The following TIA1 variants were observed in gnomAD, a reference collection of about 807,000 sequenced individuals.
The protein encoded by TIA1 is TIA1 cytotoxic granule associated RNA binding protein.
In TIA1, 23 loss-of-function variants were observed where a neutral mutation model predicts 65.9. That is an observed-to-expected ratio of 0.35 (90% CI 0.25 to 0.49). TIA1 has a LOEUF of 0.49. Ranked by LOEUF, TIA1 falls within the 20% of genes least tolerant of loss-of-function variation. The probability of loss-of-function intolerance (pLI) is 0.98; values close to 1 mark genes in which losing one functional copy is unlikely to be tolerated. For synonymous variants in TIA1, 147 were observed against 149.4 expected (o/e 0.98, Z 0.12); for missense variants, 371 against 477.9 (o/e 0.78, Z 2.09).
At chr2:70,216,360 T>C in intron 9 of TIA1, 44 bp downstream of exon 9, 1 of 1,591,202 alleles carries the variant, frequency 6.3e-7, no homozygotes, top group Non-Finnish European at 8.5e-7. Context: ...AATATTAAGC[T>C]TTGCACTTTA....
rs775798661 is a variant in TIA1 at position 70,227,820 on chromosome 2, G to T, written c.313C>A (p.His105Asn). ...TVVSTQRSQD[H>N]FHVFVGDLSP... ...AGATCACCAACAAAGACATGGAAAT[G>T]ATCTTATAAGGGGAAGGAAGGGGAA... Residue 105 changes from histidine (H) to asparagine (N), a missense_variant and splice_region_variant, in exon 6 of 13, where the codon CAT becomes AAT. By Grantham distance (68) the His-to-Asn change is moderately conservative. Transcript: ENST00000433529. 3.1e-6 allele frequency: 5 copies of T among 1,595,964 alleles called. No individual in the cohort carries two copies. In the South Asian group the frequency reaches 5.7e-5, roughly 18 times the overall value.
Position 70,209,664 on chromosome 2 carries a change from C to T in TIA1, c.*3055G>A, listed in dbSNP as rs1675981997. ...TGAGTTCCTTCTAGGAGTTGTTTAT[C>T]CCTGCTCATGCTTAAGATTGACGAT... On this transcript the variant is annotated 3_prime_UTR_variant, in exon 13 of 13. Coordinates refer to ENST00000433529, the MANE Select transcript of TIA1 (RefSeq NM_022173.4). 1 of 398,162 alleles carries T rather than the reference C, an allele frequency of 2.5e-6. No homozygotes were observed. Among genetic ancestry groups the T allele is most frequent in the African/African-American group, 2.1e-5 (1 of 48,572 alleles). The allele number at this position is 398,162 out of a possible 1,614,324, so 24.7% of individuals were successfully genotyped here.
At chr2:70,226,617 C>CAA (rs796881895) in intron 6 of TIA1, among the ~76,000 whole-genome samples, 45 of 152,162 alleles carry the variant, frequency 3.0e-4, no homozygotes, top group African/African-American at 9.6e-4. Context: ...AATGAAAACA[C>CAA]AAAATTGTGC....
intron 1 of TIA1, among the ~76,000 whole-genome samples, chr2:70,240,638 G>A (rs907812749): frequency 6.6e-6 from 1 of 152,190 alleles, no homozygotes; most frequent in Admixed American, 6.5e-5. Context: ...GGAGGCCGAG[G>A]TAGGCAGTTC....
At chr2:70,245,387 C>G (rs753390459) in intron 1 of TIA1, among the ~76,000 whole-genome samples, 18 of 152,180 alleles carry the variant, frequency 1.2e-4, no homozygotes, top group Non-Finnish European at 2.6e-4. Context: ...AGAGAACACT[C>G]ATGCATTTGA....
Position 70,214,594 on chromosome 2 carries a change from T to A in TIA1, c.889-100A>T, listed in dbSNP as rs550675373. The A allele has an allele frequency of 6.9e-5, 60 of 869,374 alleles. No individual in the cohort carries two copies. In the Middle Eastern group the frequency reaches 1.3e-3, roughly 18 times the overall value. The allele number at this position is 869,374 out of a possible 1,614,324, so 53.9% of individuals were successfully genotyped here. A position where few individuals can be genotyped will look rare whatever the true frequency, so the allele number is the denominator to read the frequency against. On this transcript the variant is annotated intron_variant, in intron 11 of 12. Transcript: ENST00000433529. ...TTAGCCAAAACACACAGGGCCATCA[T>A]TACAATTAAAATGACAGGATAAACA...
In TIA1 at chr2:70,248,582, C is replaced by A. The variant is rs1187098043; in HGVS notation, c.-152G>T. On this transcript the variant is annotated 5_prime_UTR_variant, in exon 1 of 13. Coordinates refer to ENST00000433529, the MANE Select transcript of TIA1 (RefSeq NM_022173.4). ...CTCCTCCGGCGGCAATTACACTAAA[C>A]CGCCCGGCCCAGCGGGAACAATGAA... is the stretch of plus-strand genomic sequence containing the variant. The A allele has an allele frequency of 4.6e-6, 5 of 1,086,196 alleles. No individual in the cohort carries two copies. The highest frequency in any genetic ancestry group is 2.6e-5 in the East Asian group (1 of 38,678). The allele number at this position is 1,086,196 out of a possible 1,614,324, so 67.3% of individuals were successfully genotyped here.
In TIA1 at chr2:70,212,885, C is replaced by T. The variant is rs762305513; in HGVS notation, c.1035-40G>A. ...GAAAGAAGCAGAGGGGAGAGGAAATCCACTGATTAAAATAAAGTATTGGCA... is the reference window on the plus strand; with the variant it reads ...GAAAGAAGCAGAGGGGAGAGGAAATTCACTGATTAAAATAAAGTATTGGCA... On this transcript the variant is annotated intron_variant, in intron 12 of 12. Transcript: ENST00000433529. The T allele has an allele frequency of 2.2e-6, 3 of 1,369,030 alleles. No individual in the cohort carries two copies. The South Asian group carries it at 3.5e-5, about 16-fold the overall frequency. The allele number at this position is 1,369,030 out of a possible 1,614,324, so 84.8% of individuals were successfully genotyped here. A position where few individuals can be genotyped will look rare whatever the true frequency, so the allele number is the denominator to read the frequency against.
chr2:70,241,229 C>T (rs1691549711), intron 1 of TIA1, among the ~76,000 whole-genome samples: 1 of 151,992 alleles, frequency 6.6e-6, no homozygotes, highest in South Asian at 2.1e-4. Flanking sequence ...GATCACAGGT[C>T]AGGAGATCAA....
Position 70,215,891 on chromosome 2 carries a change from G to A in TIA1, c.764+317C>T, listed in dbSNP as rs558674942. On this transcript the variant is annotated intron_variant, in intron 10 of 12. Coordinates refer to ENST00000433529, the MANE Select transcript of TIA1 (RefSeq NM_022173.4). ...AGCCTCCCGAGTAGCTGTGATTACA[G>A]GCATGCACCGCCATGCCGGCTAATT... Among the ~76,000 whole-genome samples the A allele has an allele frequency of 1.1e-4, 17 of 152,208 alleles. No homozygotes were observed. The South Asian group carries it at 3.5e-3, about 32-fold the overall frequency.
At chr2:70,226,091 T>G (rs1683657889) in intron 6 of TIA1, among the ~76,000 whole-genome samples, 4 of 151,860 alleles carry the variant, frequency 2.6e-5, no homozygotes, top group Admixed American at 2.6e-4. Context: ...TTATATAGCC[T>G]AAAACTCAAA....
intron 7 of TIA1, among the ~76,000 whole-genome samples, chr2:70,222,088 T>A (rs1681657293): frequency 6.6e-6 from 1 of 152,038 alleles, no homozygotes; most frequent in African/African-American, 2.4e-5. Context: ...CCACACTGTA[T>A]ACTTGAATTA....
At chr2:70,228,976 C>G (rs1684935300) in intron 5 of TIA1, 83 bp downstream of exon 5, 1 of 502,872 alleles carries the variant, frequency 2.0e-6, no homozygotes, top group African/African-American at 2.7e-5. Context: ...CCCCCTCCCC[C>G]AAATATCAAA....
intron 7 of TIA1, among the ~76,000 whole-genome samples, chr2:70,222,380 A>G (rs1681838080): frequency 6.6e-6 from 1 of 152,146 alleles, no homozygotes; most frequent in Non-Finnish European, 1.5e-5. Flanking sequence ...GTGACCATTA[A>G]ATTAGAAGCA....
intron 6 of TIA1, 123 bp from the exon 7 acceptor site, chr2:70,224,752 C>T: frequency 1.4e-6 from 2 of 1,442,190 alleles, no homozygotes; most frequent in African/African-American, 1.4e-5. Context: ...AATGCAAATT[C>T]ACCTTTTATT....
intron 12 of TIA1, among the ~76,000 whole-genome samples, chr2:70,213,352 T>C (rs1677127885): frequency 6.6e-6 from 1 of 151,704 alleles, no homozygotes; most frequent in South Asian, 2.1e-4. Context: ...TTTCTTTTTT[T>C]TTTTTTTTTA....
intron 2 of TIA1, among the ~76,000 whole-genome samples, chr2:70,231,116 G>C (rs1686077030): frequency 6.6e-6 from 1 of 152,028 alleles, no homozygotes; most frequent in South Asian, 2.1e-4. Context: ...TGGCCAACGT[G>C]GTGAAACCCT....
intron 1 of TIA1, among the ~76,000 whole-genome samples, chr2:70,243,746 T>G (rs2104748268): frequency 6.6e-6 from 1 of 152,212 alleles, no homozygotes; most frequent in East Asian, 1.9e-4. Flanking sequence ...AATAAATCCA[T>G]TTATTGTTGA....
At chr2:70,245,095 T>C (rs920945113) in intron 1 of TIA1, among the ~76,000 whole-genome samples, 3 of 152,112 alleles carry the variant, frequency 2.0e-5, no homozygotes, top group Non-Finnish European at 4.4e-5. Context: ...TTCTCCTTCC[T>C]GAGCCTCCGG....
Sources: allele counts gnomAD v4.1 joint callset (sites outside exome capture counted in the v4.1 genomes callset), GRCh38; gene constraint gnomAD v4.1.1; transcripts MANE v1.5; gene names NCBI Gene and HGNC (gene_info 2026-07-23, HGNC 2026-07-21).